CMPK2: variants seen among roughly 807,000 people sequenced by gnomAD.
The protein encoded by CMPK2 is cytidine/uridine monophosphate kinase 2, also known as UMP-CMP kinase 2, mitochondrial.
CMPK2 carries 32 observed loss-of-function variants against 33.4 expected under a neutral mutation model. The ratio of observed to expected loss-of-function variants is 0.96; its 90% CI spans 0.72 to 1.29. CMPK2 has a LOEUF of 1.29. CMPK2 is among the 50% of genes most tolerant of loss of function. CMPK2 has a pLI of 0.00. For missense variants in CMPK2, 672 were observed against 616.0 expected, an observed-to-expected ratio of 1.09 and a Z score of -0.96; for synonymous variants, 299 against 275.3, an observed-to-expected ratio of 1.09 and a Z score of -0.85.
In CMPK2 at chr2:6,865,405, G is replaced by A. The variant is rs1046736765; in HGVS notation, c.292C>T (p.Leu98=). ...RVRAARLHQR[L]LHQLRRGPFQ... is the part of the protein sequence containing the mutation. ...GGGCCGCGGCGCAGCTGGTGCAGCAGGCGCTGGTGCAGCCGCGCCGCCCGG... is the reference window on the plus strand; with the variant it reads ...GGGCCGCGGCGCAGCTGGTGCAGCAAGCGCTGGTGCAGCCGCGCCGCCCGG... Residue 98 remains leucine, a synonymous_variant, in exon 1 of 5, where the codon CTG becomes TTG. Coordinates refer to ENST00000256722, the MANE Select transcript of CMPK2 (RefSeq NM_207315.4). The A allele has an allele frequency of 1.9e-5, 26 of 1,343,254 alleles. No individual in the cohort carries two copies. The highest frequency in any genetic ancestry group is 1.6e-4 in the Admixed American group (4 of 24,244). 83.2% of individuals were successfully genotyped at this position (1,343,254 alleles called of 1,614,324 possible). A position where few individuals can be genotyped will look rare whatever the true frequency, so the allele number is the denominator to read the frequency against.
intron 4 of CMPK2, chr2:6,850,666 A>G: frequency 1.2e-6 from 1 of 808,048 alleles, no homozygotes; most frequent in South Asian, 5.6e-5. Flanking sequence ...GCAAATGTTC[A>G]CTGAAGTTTA....
chr2:6,863,574 G>A lies in CMPK2; in HGVS notation c.680C>T (p.Thr227Ile). Residue 227 changes from threonine (T) to isoleucine (I), a missense_variant, in exon 2 of 5, where the codon ACC becomes ATC. Transcript: ENST00000256722. ...EAARAVLEEC[T>I]SFIPEARAVL... ...TGCCCGGGCTTCAGGAATAAAGGAG[G>A]TACACTGTAAAACAACGTCTATCCA... The A allele has an allele frequency of 6.2e-7, 1 of 1,612,552 alleles. No individual in the cohort carries two copies. The highest frequency in any genetic ancestry group is 8.5e-7 in the Non-Finnish European group (1 of 1,178,956).
intron 3 of CMPK2, among the ~76,000 whole-genome samples, chr2:6,858,192 C>T (rs750643059): frequency 2.2e-4 from 33 of 151,460 alleles, no homozygotes; most frequent in East Asian, 5.8e-4. Context: ...TCTGTTAACC[C>T]GGGAATTTTC....
intron 3 of CMPK2, among the ~76,000 whole-genome samples, chr2:6,852,621 T>C (rs564095904): frequency 5.9e-5 from 9 of 152,238 alleles, no homozygotes; most frequent in Non-Finnish European, 2.9e-5. Flanking sequence ...TTGTTATAAG[T>C]GTAATATCTA....
intron 1 of CMPK2, among the ~76,000 whole-genome samples, chr2:6,863,837 A>G (rs1329467852): frequency 1.3e-5 from 2 of 152,208 alleles, no homozygotes; most frequent in Non-Finnish European, 2.9e-5. Flanking sequence ...AGCAGCTTTG[A>G]GAAAGGCCAG....
chr2:6,850,708 A>G, intron 4 of CMPK2: 1 of 967,980 alleles, frequency 1.0e-6, no homozygotes, highest in Non-Finnish European at 1.2e-6. Context: ...TGCTTAACAT[A>G]ATATCTTTAC....
At chr2:6,858,253 T>C (rs1189356978) in intron 3 of CMPK2, among the ~76,000 whole-genome samples, 3 of 152,118 alleles carry the variant, frequency 2.0e-5, no homozygotes, top group African/African-American at 7.2e-5. Flanking sequence ...TGGTGCTTTC[T>C]CAGACAGGCC....
intron 3 of CMPK2, among the ~76,000 whole-genome samples, chr2:6,857,300 CTTTTTTG>C (rs1045751132): frequency 4.7e-5 from 7 of 148,308 alleles, no homozygotes; most frequent in East Asian, 3.9e-4. Context: ...TTTTTTTCTT[CTTTTTTG>C]TTTTTTGTTT....
At position 6,865,670 on chromosome 2, in the gene CMPK2, G is replaced by A; in HGVS notation, c.27C>T (p.Arg9=). Residue 9 remains arginine, a synonymous_variant, in exon 1 of 5, where the codon CGC becomes CGT. Coordinates refer to ENST00000256722, the MANE Select transcript of CMPK2 (RefSeq NM_207315.4). MAFARRLL[R]GPLSGPLLGR... ...CGAGCAGCGGCCCCGACAGTGGCCC[G>A]CGCAGGAGCCGGCGGGCGAAGGCCA... is the stretch of plus-strand genomic sequence containing the variant. 2 of 1,307,472 alleles carry A rather than the reference G, an allele frequency of 1.5e-6. No homozygotes were observed. Among genetic ancestry groups the A allele is most frequent in the Non-Finnish European group, 1.9e-6 (2 of 1,036,068 alleles). 81.0% of individuals were successfully genotyped at this position (1,307,472 alleles called of 1,614,324 possible). A position where few individuals can be genotyped will look rare whatever the true frequency, so the allele number is the denominator to read the frequency against.
intron 3 of CMPK2, among the ~76,000 whole-genome samples, chr2:6,854,427 A>T (rs1182866407): frequency 6.6e-6 from 1 of 152,216 alleles, no homozygotes; most frequent in Non-Finnish European, 1.5e-5. Flanking sequence ...AAATCTTTAA[A>T]CATGAATAAA....
chr2:6,861,617 C>A (rs191989022), intron 2 of CMPK2, among the ~76,000 whole-genome samples: 237 of 152,304 alleles, frequency 1.6e-3, no homozygotes, highest in African/African-American at 5.5e-3. Flanking sequence ...GGAGTCTAGA[C>A]ACAAGAGCCC....
intron 3 of CMPK2, among the ~76,000 whole-genome samples, chr2:6,854,095 C>T (rs1662613136): frequency 6.6e-6 from 1 of 152,174 alleles, no homozygotes; most frequent in African/African-American, 2.4e-5. Flanking sequence ...TTCACTCTCT[C>T]TGCCAGATGA....
rs1044244915 is a variant in CMPK2, at chr2:6,865,845, A to T, written c.-149T>A. 18 of 1,288,720 alleles carry T rather than the reference A, an allele frequency of 1.4e-5. No individual in the cohort carries two copies. Among genetic ancestry groups the T allele is most frequent in the Non-Finnish European group, 1.7e-5 (17 of 1,018,642 alleles). The allele number at this position is 1,288,720 out of a possible 1,614,324, so 79.8% of individuals were successfully genotyped here. A position where few individuals can be genotyped will look rare whatever the true frequency, so the allele number is the denominator to read the frequency against. ...GCGGGGAAACGAAAGCCGGAGGCCC[A>T]GGCGGGGCAGGAGCCCTGGGGCTGG... On this transcript the variant is annotated 5_prime_UTR_variant, in exon 1 of 5. Transcript: ENST00000256722.
Position 6,848,366 on chromosome 2 carries a change from T to C in CMPK2, c.*1484A>G. The stretch of plus-strand genomic sequence containing the variant: ...TATTCATGTGCCAGGGACATAAAGA[T>C]ACATTAATTGTTTGTTTTTCTAGGC... On this transcript the variant is annotated 3_prime_UTR_variant, in exon 5 of 5. Coordinates refer to ENST00000256722, the MANE Select transcript of CMPK2 (RefSeq NM_207315.4). 1 of 985,318 alleles carries C rather than the reference T, an allele frequency of 1.0e-6. No individual in the cohort carries two copies. The highest frequency in any genetic ancestry group is 1.2e-6 in the Non-Finnish European group (1 of 829,810). The allele number at this position is 985,318 out of a possible 1,614,324, so 61.0% of individuals were successfully genotyped here.
chr2:6,863,952 G>A (rs1662967474), intron 1 of CMPK2, among the ~76,000 whole-genome samples: 1 of 152,208 alleles, frequency 6.6e-6, no homozygotes, highest in Non-Finnish European at 1.5e-5. Context: ...ACAGTGGGCT[G>A]GAGAGAGCAG....
intron 3 of CMPK2, among the ~76,000 whole-genome samples, chr2:6,859,041 T>C (rs938226389): frequency 3.9e-5 from 6 of 152,134 alleles, no homozygotes; most frequent in African/African-American, 1.4e-4. Context: ...AGGAACTTGG[T>C]GAGAACTGGA....
At position 6,851,027 on chromosome 2, in the gene CMPK2, G is replaced by A. The variant is rs944882900; in HGVS notation, c.1226+423C>T. Reference sequence around the variant, plus strand: ...CTTAAAGTTGTAAACTGTAAAATACGGCTAATGTTTTCCTCACAAGGATGA... The same window carrying A: ...CTTAAAGTTGTAAACTGTAAAATACAGCTAATGTTTTCCTCACAAGGATGA... On this transcript the variant is annotated intron_variant, in intron 4 of 4. Coordinates refer to ENST00000256722, the MANE Select transcript of CMPK2 (RefSeq NM_207315.4). The A allele has an allele frequency of 1.2e-5, 12 of 1,025,630 alleles. No homozygotes were observed. In the East Asian group the frequency reaches 5.2e-4, roughly 44 times the overall value. 63.5% of individuals were successfully genotyped at this position (1,025,630 alleles called of 1,614,324 possible).
chr2:6,845,764 T>C (rs909493114), downstream of CMPK2, among the ~76,000 whole-genome samples: 1 of 152,168 alleles, frequency 6.6e-6, no homozygotes, highest in Non-Finnish European at 1.5e-5. Flanking sequence ...CAGTGAAAAA[T>C]CAGAATTCCA....
upstream of CMPK2, chr2:6,866,312 C>T (rs537973995): frequency 3.3e-4 from 167 of 503,076 alleles, no homozygotes; most frequent in African/African-American, 3.3e-3. Flanking sequence ...TCTAATCCTG[C>T]AGAGCTGCTT....
Sources: gnomAD v4.1 joint callset for allele counts (sites outside exome capture counted in the v4.1 genomes callset) on GRCh38, gnomAD v4.1.1 for gene constraint, MANE v1.5 for transcripts, NCBI Gene and HGNC (gene_info 2026-07-23, HGNC 2026-07-21) for gene names.